MIDEAS: variants seen among roughly 807,000 people sequenced by gnomAD.
MIDEAS encodes the protein mitotic deacetylase-associated SANT domain protein.
MIDEAS carries 26 observed loss-of-function variants against 102.7 expected under a neutral mutation model. The observed-to-expected ratio is 0.25, with a 90% CI of 0.19 to 0.35. The LOEUF is 0.35. MIDEAS is among the 10% of genes least tolerant of loss of function. MIDEAS has a pLI of 1.00. For missense variants in MIDEAS, 1,231 were observed against 1,435.6 expected (o/e 0.86, Z 2.30); for synonymous variants, 585 against 591.0 (o/e 0.99, Z 0.15).
intron 1 of MIDEAS, among the ~76,000 whole-genome samples, chr14:73,755,686 G>C (rs2053471264): frequency 6.6e-6 from 1 of 152,216 alleles, no homozygotes; most frequent in African/African-American, 2.4e-5. Flanking sequence ...AAGGCACACA[G>C]ACACTGGGTC....
At chr14:73,741,459 G>C (rs145241535) in intron 1 of MIDEAS, among the ~76,000 whole-genome samples, 1 of 151,988 alleles carries the variant, frequency 6.6e-6, no homozygotes, top group Non-Finnish European at 1.5e-5. Flanking sequence ...AAAACAGCTC[G>C]GGCGGCTCTG....
At chr14:73,788,666 C>T (rs2053841139), upstream of MIDEAS, among the ~76,000 whole-genome samples, 2 of 152,190 alleles carry the variant, frequency 1.3e-5, no homozygotes, top group African/African-American at 4.8e-5. Flanking sequence ...GAAATAACTG[C>T]ATCATTAGAC....
intron 1 of MIDEAS, among the ~76,000 whole-genome samples, chr14:73,753,202 C>T (rs1044478075): frequency 4.6e-5 from 7 of 152,360 alleles, no homozygotes; most frequent in Admixed American, 2.6e-4. Context: ...CAAGGCTGGG[C>T]TCCTGGCTGC....
intron 1 of MIDEAS, among the ~76,000 whole-genome samples, chr14:73,771,788 T>C (rs753660892): frequency 6.6e-6 from 1 of 152,174 alleles, no homozygotes; most frequent in African/African-American, 2.4e-5. Flanking sequence ...ATTCAACACT[T>C]CAATTAATAT....
intron 3 of MIDEAS, among the ~76,000 whole-genome samples, chr14:73,734,037 T>G (rs1197398511): frequency 4.0e-5 from 6 of 151,750 alleles, no homozygotes; most frequent in African/African-American, 1.5e-4. Context: ...CAGGCTGGAG[T>G]GCAGTGGCAT....
chr14:73,788,117 A>G (rs944415875), upstream of MIDEAS, among the ~76,000 whole-genome samples: 1 of 151,870 alleles, frequency 6.6e-6, no homozygotes, highest in South Asian at 2.1e-4. Context: ...TCCTGATCTC[A>G]TAAGGCTGGA....
At position 73,722,962 on chromosome 14, in the gene MIDEAS, C is replaced by A. The variant is rs1458574402; in HGVS notation, c.2575-115G>T. 11 of 1,208,922 alleles carry A rather than the reference C, an allele frequency of 9.1e-6. No homozygotes were observed. In the East Asian group the frequency reaches 2.6e-4, roughly 29 times the overall value. The allele number at this position is 1,208,922 out of a possible 1,614,324, so 74.9% of individuals were successfully genotyped here. ...CCTTAACTTCAAGCCAAAATGAAACCCAGCCAACCCAGGCAATACAAGCAT... is the reference window on the plus strand; with the variant it reads ...CCTTAACTTCAAGCCAAAATGAAACACAGCCAACCCAGGCAATACAAGCAT... On this transcript the variant is annotated intron_variant, in intron 9 of 12. Transcript: ENST00000423556.
intron 1 of MIDEAS, among the ~76,000 whole-genome samples, chr14:73,757,613 C>T (rs1335176441): frequency 6.6e-6 from 1 of 152,224 alleles, no homozygotes; most frequent in Non-Finnish European, 1.5e-5. Flanking sequence ...GTCCCCACCC[C>T]AGCATGAGCA....
At position 73,717,845 on chromosome 14, in the gene MIDEAS, C is replaced by G. The variant is rs887786936; in HGVS notation, c.*998G>C. 1 of 152,548 alleles carries G rather than the reference C, an allele frequency of 6.6e-6. No homozygotes were observed. The highest frequency in any genetic ancestry group is 1.5e-5 in the Non-Finnish European group (1 of 68,086). The allele number at this position is 152,548 out of a possible 1,614,324, so 9.4% of individuals were successfully genotyped here. A position where few individuals can be genotyped will look rare whatever the true frequency, so the allele number is the denominator to read the frequency against. ...ATCCAGAAATCTCCAAAGTGCAGGC[C>G]TGGGGGCTGGGTTGTGGATATCGAC... On this transcript the variant is annotated 3_prime_UTR_variant, in exon 13 of 13. Transcript: ENST00000423556.
At chr14:73,727,095 G>A (rs755704217) in intron 5 of MIDEAS, 123 bp from the exon 6 acceptor site, 3 of 1,272,154 alleles carry the variant, frequency 2.4e-6, no homozygotes, top group Non-Finnish European at 2.1e-6. Flanking sequence ...CTAGGTGTAG[G>A]GAGTCTGGCT....
chr14:73,733,761 C>T (rs564277418), intron 3 of MIDEAS, among the ~76,000 whole-genome samples: 7 of 152,130 alleles, frequency 4.6e-5, no homozygotes, highest in Non-Finnish European at 7.4e-5. Flanking sequence ...GTGGTACGAT[C>T]TTGGCTTACT....
chr14:73,773,043 G>A (rs2053656280), intron 1 of MIDEAS, among the ~76,000 whole-genome samples: 1 of 151,970 alleles, frequency 6.6e-6, no homozygotes, highest in South Asian at 2.1e-4. Flanking sequence ...TCTCCATGTT[G>A]GCCAGGCTGG....
rs1490010445 is a variant in MIDEAS at position 73,725,388 on chromosome 14, T to G, written c.2486-28A>C. 6.2e-7 allele frequency: 1 copy of G among 1,600,082 alleles called. No individual in the cohort carries two copies. Among genetic ancestry groups the G allele is most frequent in the Non-Finnish European group, 8.6e-7 (1 of 1,167,954 alleles). On this transcript the variant is annotated intron_variant, in intron 8 of 12. Transcript: ENST00000423556. This position sits in a 1 kb window ranked among gnomAD's most constrained non-coding sequence, Gnocchi z 4.1. ...ATGGGGCAAAGAGGCAGCCAGGGAGTGAGGTGGGCAGGGCCCTGGCCACTG... is the reference window on the plus strand; with the variant it reads ...ATGGGGCAAAGAGGCAGCCAGGGAGGGAGGTGGGCAGGGCCCTGGCCACTG...
intron 1 of MIDEAS, among the ~76,000 whole-genome samples, chr14:73,740,798 C>T (rs918505237): frequency 6.6e-6 from 1 of 152,218 alleles, no homozygotes; most frequent in African/African-American, 2.4e-5. Context: ...ATCTCAGGCT[C>T]GGGAAGTGGA....
At chr14:73,730,018 C>G in intron 3 of MIDEAS, 33 bp from the exon 4 acceptor site, 1 of 1,545,632 alleles carries the variant, frequency 6.5e-7, no homozygotes, top group Non-Finnish European at 8.8e-7. Flanking sequence ...GACGGCTCAG[C>G]CCCCCGTGTC....
At chr14:73,724,844 TG>T (rs901627070) in intron 9 of MIDEAS, 1 of 176,278 alleles carries the variant, frequency 5.7e-6, no homozygotes, top group African/African-American at 2.4e-5. Context: ...AAGGCAACTC[TG>T]GGTCAAAGGA....
rs1183488654 is a variant in MIDEAS at position 73,759,468 on chromosome 14, A to T, written c.-248+295T>A. Among the ~76,000 whole-genome samples the T allele has an allele frequency of 6.6e-6, 1 of 151,234 alleles. No individual in the cohort carries two copies. Among genetic ancestry groups the T allele is most frequent in the South Asian group, 2.1e-4 (1 of 4,820 alleles). On this transcript the variant is annotated intron_variant, in intron 1 of 12. Transcript: ENST00000423556. This position sits in a 1 kb window ranked among gnomAD's most constrained non-coding sequence, Gnocchi z 6.7. Reference sequence around the variant, plus strand: ...GGCGGGGGCCGCGCGCAAGCTGCGTAGCTGCACAAACACCGCGGGGCTGCG... The same window carrying T: ...GGCGGGGGCCGCGCGCAAGCTGCGTTGCTGCACAAACACCGCGGGGCTGCG...
At position 73,739,550 on chromosome 14, in the gene MIDEAS, C is replaced by T. The variant is rs770216844; in HGVS notation, c.459G>A (p.Val153=). The change falls in exon 2 of 13, where the codon GTG becomes GTA. Residue 153 remains valine (V), a synonymous_variant. Transcript: ENST00000423556. ...SATKGSPHPG[V]GVPTYYNHPE... ...GGTGGTTATAGTAAGTCGGGACTCC[C>T]ACTCCAGGATGCGGGCTCCCCTTGG... The T allele has an allele frequency of 1.2e-6, 2 of 1,614,066 alleles. No homozygotes were observed. The highest frequency in any genetic ancestry group is 1.3e-5 in the African/African-American group (1 of 74,936).
rs1022161743 is a variant in MIDEAS, at chr14:73,739,060, T to C, written c.949A>G (p.Met317Val). 7 of 1,568,948 alleles carry C rather than the reference T, an allele frequency of 4.5e-6. No individual in the cohort carries two copies. In the South Asian group the frequency reaches 8.4e-5, roughly 19 times the overall value. Reference sequence around the variant, plus strand: ...AGGGCCTTGCGCAGTTCTGGGTTCATATCTGGGTTGGGGGGGAAGGGGTAG... The same window carrying C: ...AGGGCCTTGCGCAGTTCTGGGTTCACATCTGGGTTGGGGGGGAAGGGGTAG... ...APYPFPPNPDMNPELRKALLQ... is the reference protein window; with the variant it reads ...APYPFPPNPDVNPELRKALLQ... The change falls in exon 2 of 13, where the codon ATG becomes GTG. Residue 317 changes from methionine to valine, a missense_variant. Met to Val is a conservative substitution (Grantham distance 21, BLOSUM62 1). Transcript: ENST00000423556.
Sources: gnomAD v4.1 joint callset for allele counts (sites outside exome capture counted in the v4.1 genomes callset) on GRCh38, gnomAD v4.1.1 for gene constraint, Gnocchi (gnomAD v3.1) non-coding constraint, MANE v1.5 for transcripts, NCBI Gene and HGNC (gene_info 2026-07-23, HGNC 2026-07-21) for gene names.